The following RASSF5 variants were observed in gnomAD, a reference collection of about 807,000 sequenced individuals.
RASSF5 encodes the protein Ras association domain family member 5.
A neutral mutation model predicts 40.5 loss-of-function variants in RASSF5; 25 were observed. That is an observed-to-expected ratio of 0.62 (90% CI 0.45 to 0.86). The LOEUF (loss-of-function observed/expected upper bound fraction) is 0.86, where lower values mean the gene tolerates loss of function less well. RASSF5 is among the 40% of genes least tolerant of loss of function. RASSF5 has a pLI of 0.00. For synonymous variants in RASSF5, 246 were observed against 252.4 expected, an observed-to-expected ratio of 0.97 and a Z score of 0.24; for missense variants, 521 against 572.8, an observed-to-expected ratio of 0.91 and a Z score of 0.92.
intron 5 of RASSF5, chr1:206,586,370 C>T (rs1553407647): frequency 1.9e-5 from 3 of 158,366 alleles, no homozygotes; most frequent in East Asian, 1.9e-4. Context: ...CCCCAATTTC[C>T]CAGCAGATAA....
intron 1 of RASSF5, 91 bp downstream of exon 1, chr1:206,508,150 A>T: frequency 9.8e-7 from 1 of 1,018,100 alleles, no homozygotes; most frequent in Non-Finnish European, 1.3e-6. Flanking sequence ...GAGAGGGGCC[A>T]TTACACTCTT....
intron 2 of RASSF5, among the ~76,000 whole-genome samples, chr1:206,573,390 A>C (rs1454913550): frequency 6.6e-6 from 1 of 152,168 alleles, no homozygotes; most frequent in African/African-American, 2.4e-5. Context: ...ATACACACTC[A>C]TGTTCATCCT....
intron 1 of RASSF5, chr1:206,518,524 A>G (rs1666821391): frequency 7.5e-6 from 3 of 398,516 alleles, no homozygotes; most frequent in Non-Finnish European, 1.3e-5. Context: ...AGGTTCCGCA[A>G]CGGGGCCCGG....
chr1:206,587,081 T>C lies in RASSF5; in HGVS notation c.*103T>C. 7.2e-7 allele frequency: 1 copy of C among 1,393,906 alleles called. No homozygotes were observed. The highest frequency in any genetic ancestry group is 2.4e-4 in the Middle Eastern group (1 of 4,102). 86.3% of individuals were successfully genotyped at this position (1,393,906 alleles called of 1,614,324 possible). ...TCTCAGGACATCTCTGGCAGGTGCA[T>C]TTGTGCCTGCCCAGCAGTTCCAGCT... On this transcript the variant is annotated 3_prime_UTR_variant, in exon 6 of 6. Coordinates refer to ENST00000579436, the MANE Select transcript of RASSF5 (RefSeq NM_182663.4).
intron 2 of RASSF5, among the ~76,000 whole-genome samples, chr1:206,551,097 T>C (rs2103533579): frequency 6.6e-6 from 1 of 152,342 alleles, no homozygotes; most frequent in Non-Finnish European, 1.5e-5. Context: ...TTAGTTGACA[T>C]GGCAGGAATG....
At chr1:206,517,368 G>T (rs1666777442) in intron 1 of RASSF5, among the ~76,000 whole-genome samples, 1 of 152,068 alleles carries the variant, frequency 6.6e-6, no homozygotes, top group Non-Finnish European at 1.5e-5. Flanking sequence ...CCAGCTACAT[G>T]CTGGGGGGTG....
At chr1:206,540,618 C>A (rs1486147338) in intron 2 of RASSF5, among the ~76,000 whole-genome samples, 1 of 152,262 alleles carries the variant, frequency 6.6e-6, no homozygotes, top group Non-Finnish European at 1.5e-5. Context: ...CAGGACCCAG[C>A]CCTCTATCAA....
In RASSF5 at chr1:206,535,743, T is replaced by A. The variant is rs12408805; in HGVS notation, c.458-2429T>A. On this transcript the variant is annotated intron_variant, in intron 1 of 5. Coordinates refer to ENST00000579436, the MANE Select transcript of RASSF5 (RefSeq NM_182663.4). This position sits in a 1 kb window ranked among gnomAD's most constrained non-coding sequence, Gnocchi z 5.0. ...GTGTGTGTGTGTGTGTGTGTGTGTG[T>A]GAGAGAGAGAGAGAGAGATGGAAAT... is the stretch of plus-strand genomic sequence containing the variant. 0.054 allele frequency among the ~76,000 whole-genome samples: 6,860 copies of A among 128,108 alleles called. 182 individuals carry two copies. The highest frequency in any genetic ancestry group is 0.068 in the African/African-American group (2,376 of 34,900). The allele number at this position is 128,108 out of a possible 152,430, so 84.0% of individuals were successfully genotyped here.
intron 2 of RASSF5, chr1:206,580,975 CAG>C (rs1442209908): frequency 1.6e-4 from 24 of 152,252 alleles, no homozygotes; most frequent in African/African-American, 5.3e-4. Flanking sequence ...CCCCGCAGCA[CAG>C]AGTTTCAGTG....
At chr1:206,528,510 G>A (rs1291810884) in intron 1 of RASSF5, among the ~76,000 whole-genome samples, 1 of 152,134 alleles carries the variant, frequency 6.6e-6, no homozygotes, top group African/African-American at 2.4e-5. Context: ...TGTGTCCACA[G>A]CCATAGAACG....
At chr1:206,574,306 C>G (rs542297858) in intron 2 of RASSF5, among the ~76,000 whole-genome samples, 17 of 152,308 alleles carry the variant, frequency 1.1e-4, no homozygotes, top group African/African-American at 3.6e-4. Flanking sequence ...TGTGCCACAG[C>G]GCATCCATCT....
intron 1 of RASSF5, among the ~76,000 whole-genome samples, chr1:206,509,698 A>C (rs1666565109): frequency 6.6e-6 from 1 of 151,050 alleles, no homozygotes; most frequent in South Asian, 2.1e-4. Context: ...TCACTTGTTG[A>C]AGATTTTGCA....
intron 1 of RASSF5, chr1:206,529,589 C>A: frequency 1.3e-6 from 1 of 787,080 alleles, no homozygotes; most frequent in Non-Finnish European, 2.3e-6. Context: ...ATTACAATGA[C>A]AGATACAATG....
At chr1:206,542,005 T>G (rs1667556822) in intron 2 of RASSF5, 1 of 152,282 alleles carries the variant, frequency 6.6e-6, no homozygotes, top group African/African-American at 2.4e-5. Context: ...GCTCTGTCCC[T>G]TTGGCCTTGG....
intron 2 of RASSF5, among the ~76,000 whole-genome samples, chr1:206,569,690 C>T (rs1668387412): frequency 6.6e-6 from 1 of 152,252 alleles, no homozygotes. Flanking sequence ...ACCAGTTCAT[C>T]TTGAGGCCCC....
intron 2 of RASSF5, among the ~76,000 whole-genome samples, chr1:206,561,173 C>T (rs1167959266): frequency 6.6e-6 from 1 of 152,216 alleles, no homozygotes; most frequent in East Asian, 1.9e-4. Context: ...GTCAGAGCAC[C>T]TCGCTTTATA....
At chr1:206,527,689 A>G (rs1667131933) in intron 1 of RASSF5, among the ~76,000 whole-genome samples, 1 of 151,902 alleles carries the variant, frequency 6.6e-6, no homozygotes, top group South Asian at 2.1e-4. Context: ...CAGGTGGGGT[A>G]CTCTCCCTGC....
At chr1:206,554,005 T>C (rs1176165106) in intron 2 of RASSF5, among the ~76,000 whole-genome samples, 1 of 152,212 alleles carries the variant, frequency 6.6e-6, no homozygotes, top group Non-Finnish European at 1.5e-5. Flanking sequence ...AGATAATAAC[T>C]GTAGCTTCCT....
At position 206,522,719 on chromosome 1, in the gene RASSF5, G is replaced by A. The variant is rs375892725; in HGVS notation, c.457+14660G>A. On this transcript the variant is annotated intron_variant, in intron 1 of 5. Coordinates refer to ENST00000579436, the MANE Select transcript of RASSF5 (RefSeq NM_182663.4). ...TGGCCATCACTGTCATCAACAAGCC[G>A]TACTGCATGAGGCCACAGTGCCATG... Among the ~76,000 whole-genome samples, 11 of 152,194 alleles carry A rather than the reference G, an allele frequency of 7.2e-5. No homozygotes were observed. In the South Asian group the frequency reaches 8.3e-4, roughly 11 times the overall value.
Sources: allele counts gnomAD v4.1 joint callset (sites outside exome capture counted in the v4.1 genomes callset), GRCh38; gene constraint gnomAD v4.1.1; non-coding constraint Gnocchi (gnomAD v3.1); transcripts MANE v1.5; gene names NCBI Gene and HGNC (gene_info 2026-07-23, HGNC 2026-07-21).